PAK3: variants seen among roughly 807,000 people sequenced by gnomAD.
PAK3 encodes the protein serine/threonine-protein kinase PAK 3.
PAK3 carries 4 observed loss-of-function variants against 41.0 expected under a neutral mutation model. That is an observed-to-expected ratio of 0.10 (90% CI 0.05 to 0.22). The LOEUF (loss-of-function observed/expected upper bound fraction) is 0.22. Among genes scored for constraint, PAK3 ranks in the 10% least tolerant of loss-of-function variants. The pLI, the probability that PAK3 is intolerant of heterozygous loss-of-function variation, is 1.00. For missense variants in PAK3, 205 were observed against 409.9 expected, an observed-to-expected ratio of 0.50 and a Z score of 4.32; for synonymous variants, 146 against 139.6, an observed-to-expected ratio of 1.05 and a Z score of -0.32.
chrX:111,172,583 A>G (rs1361064798), intron 10 of PAK3, among the ~76,000 whole-genome samples: 1 of 111,113 alleles, frequency 9.0e-6, no homozygotes, highest in Non-Finnish European at 1.9e-5. Context: ...CCCACTTATA[A>G]GCGACAACAT....
At chrX:111,143,128 G>A (rs1233897758) in intron 6 of PAK3, among the ~76,000 whole-genome samples, 1 of 110,355 alleles carries the variant, frequency 9.1e-6, no homozygotes, top group African/African-American at 3.3e-5. Context: ...AATTTTGAGG[G>A]CATTTCAAAA....
At chrX:111,098,451 C>A (rs2148880299) in intron 3 of PAK3, 1 of 111,234 alleles carries the variant, frequency 9.0e-6, no homozygotes, top group South Asian at 3.8e-4. Flanking sequence ...GCCCTGAATT[C>A]TCTGGTGAGA....
chrX:111,138,444 G>T (rs2093823423), intron 5 of PAK3, among the ~76,000 whole-genome samples: 1 of 111,472 alleles, frequency 9.0e-6, no homozygotes, highest in Non-Finnish European at 1.9e-5. Context: ...ATGGTACCAA[G>T]CTCAAAGTAG....
rs531297491 is a variant in PAK3 at position 111,073,262 on chromosome X, C to T, written c.-27-49815C>T. 7.6e-4 allele frequency among the ~76,000 whole-genome samples: 85 copies of T among 111,369 alleles called. 2 individuals are homozygous for T. In the South Asian group the frequency reaches 0.031, roughly 40 times the overall value. The stretch of plus-strand genomic sequence containing the variant: ...AGAGGGAAGCTGATAGTAGAAAATG[C>T]CTACATCAAAAAAGAAGATCTTAAA... On this transcript the variant is annotated intron_variant, in intron 1 of 14. Coordinates refer to the PAK3 transcript ENST00000425146.
chrX:111,119,195 G>A (rs1304941711), intron 4 of PAK3, among the ~76,000 whole-genome samples: 3 of 111,858 alleles, frequency 2.7e-5, no homozygotes, highest in Non-Finnish European at 5.7e-5. Context: ...TCTTATTGCT[G>A]ATGAATTGCA....
intron 16 of PAK3, among the ~76,000 whole-genome samples, chrX:111,211,456 T>C (rs1490771739): frequency 5.4e-5 from 6 of 110,123 alleles, no homozygotes; most frequent in African/African-American, 1.3e-4. Flanking sequence ...GGCAGGTGGA[T>C]CATGAGGTCA....
chrX:111,085,257 G>A (rs961407178), intron 1 of PAK3, among the ~76,000 whole-genome samples: 6 of 111,339 alleles, frequency 5.4e-5, no homozygotes, highest in Admixed American at 9.5e-5. Context: ...TTTAAATCTA[G>A]GATATCCCAG....
chrX:111,084,420 A>G (rs1312351914), intron 1 of PAK3, among the ~76,000 whole-genome samples: 1 of 112,810 alleles, frequency 8.9e-6, no homozygotes, highest in Non-Finnish European at 1.9e-5. Flanking sequence ...GAAAGAAGTA[A>G]CTGTTAAATG....
At chrX:111,044,996 A>G (rs2092483526) in intron 1 of PAK3, among the ~76,000 whole-genome samples, 1 of 112,014 alleles carries the variant, frequency 8.9e-6, no homozygotes, top group Non-Finnish European at 1.9e-5. Context: ...ACAGTGGTAT[A>G]CACAGCCTCT....
chrX:111,145,885 A>G (rs1486082031), intron 6 of PAK3, among the ~76,000 whole-genome samples: 1 of 112,026 alleles, frequency 8.9e-6, no homozygotes, highest in Non-Finnish European at 1.9e-5. Flanking sequence ...CTAAATATCT[A>G]AGAAACTTAA....
intron 5 of PAK3, among the ~76,000 whole-genome samples, chrX:111,133,222 C>A (rs913140532): frequency 3.6e-5 from 4 of 111,508 alleles, no homozygotes; most frequent in Non-Finnish European, 7.5e-5. Flanking sequence ...TTTATTGTGT[C>A]TTCTCATTTC....
intron 1 of PAK3, among the ~76,000 whole-genome samples, chrX:111,034,840 C>A (rs1324764996): frequency 9.0e-6 from 1 of 110,790 alleles, no homozygotes; most frequent in East Asian, 2.8e-4. Context: ...GTGGCTCATG[C>A]CTGTAATCCC....
intron 1 of PAK3, among the ~76,000 whole-genome samples, chrX:110,944,979 T>TCCAGCC (rs2090581959): frequency 1.8e-5 from 2 of 112,031 alleles, no homozygotes; most frequent in African/African-American, 6.5e-5. Flanking sequence ...ATGGAGATGA[T>TCCAGCC]CCAGCCGGGC....
intron 10 of PAK3, chrX:111,169,317 G>T (rs2094305019): frequency 1.1e-5 from 2 of 182,914 alleles, no homozygotes; most frequent in South Asian, 2.2e-4. Flanking sequence ...GACCTTAAGT[G>T]AACCAGGAAG....
chrX:111,209,067 A>C (rs1369722012), intron 16 of PAK3, among the ~76,000 whole-genome samples: 2 of 111,116 alleles, frequency 1.8e-5, no homozygotes, highest in African/African-American at 6.6e-5. Flanking sequence ...ATTGACCTCA[A>C]GAGGACCCAT....
At chrX:111,217,721 T>C (rs1236652476) in intron 17 of PAK3, 5 of 487,058 alleles carry the variant, frequency 1.0e-5, no homozygotes, top group African/African-American at 7.9e-5. Context: ...GGCCCTTTGT[T>C]AATCCTCTAA....
Position 110,946,975 on chromosome X carries a change from G to A in PAK3, c.-28+2347G>A, listed in dbSNP as rs188520451. ...ATATATAATAACTGCTCTAATGCTC[G>A]TGCAATTAAGCCAGAACAGGGGCAC... On this transcript the variant is annotated intron_variant, in intron 1 of 14. Transcript: ENST00000425146. Among the ~76,000 whole-genome samples, 217 of 111,946 alleles carry A rather than the reference G, an allele frequency of 1.9e-3. 1 individual carries two copies. The highest frequency in any genetic ancestry group is 6.8e-3 in the African/African-American group (210 of 30,891).
rs374031822 is a variant in PAK3 at position 110,959,726 on chromosome X, C to T, written c.-28+15098C>T. 2.0e-4 allele frequency among the ~76,000 whole-genome samples: 22 copies of T among 111,375 alleles called. 1 individual carries two copies. In the East Asian group the frequency reaches 3.7e-3, roughly 19 times the overall value. On this transcript the variant is annotated intron_variant, in intron 1 of 14. Transcript: ENST00000425146. The stretch of plus-strand genomic sequence containing the variant: ...CTCTTGCAGCTTATCAAGTGTAAGC[C>T]GCTCATTCTCCTGGGTTGCACATTC...
At chrX:110,958,574 A>C (rs763918346) in intron 1 of PAK3, among the ~76,000 whole-genome samples, 6 of 111,680 alleles carry the variant, frequency 5.4e-5, no homozygotes, top group Non-Finnish European at 1.1e-4. Context: ...GAATCTAGGA[A>C]GACTTCCATG....
Sources: gnomAD v4.1 joint callset for allele counts (sites outside exome capture counted in the v4.1 genomes callset) on GRCh38, gnomAD v4.1.1 for gene constraint, MANE v1.5 for transcripts, NCBI Gene and HGNC (gene_info 2026-07-23, HGNC 2026-07-21) for gene names.